AGBL4: variants seen among roughly 807,000 people sequenced by gnomAD.
The protein encoded by AGBL4 is cytosolic carboxypeptidase 6.
A neutral mutation model predicts 66.4 loss-of-function variants in AGBL4; 58 were observed. The ratio of observed to expected loss-of-function variants is 0.87; its 90% confidence interval spans 0.71 to 1.09. The LOEUF (loss-of-function observed/expected upper bound fraction) is 1.09, where lower values mean the gene tolerates loss of function less well. Among genes scored for constraint, AGBL4 ranks in the 50% least tolerant of loss-of-function variants. The pLI is 0.00. For missense variants in AGBL4, 579 were observed against 631.0 expected (o/e 0.92, Z 0.88); for synonymous variants, 234 against 222.9 (o/e 1.05, Z -0.44).
intron 1 of AGBL4, among the ~76,000 whole-genome samples, chr1:49,983,128 G>A (rs971507769): frequency 1.3e-5 from 2 of 152,226 alleles, no homozygotes; most frequent in African/African-American, 4.8e-5. Context: ...AGGGCTGAAA[G>A]AGCTTAATAC....
intron 3 of AGBL4, among the ~76,000 whole-genome samples, chr1:49,473,843 G>A (rs930785239): frequency 1.3e-5 from 2 of 152,166 alleles, no homozygotes; most frequent in East Asian, 1.9e-4. Context: ...TCACTCTGCT[G>A]TATGTGGTTA....
rs142403633 is a variant in AGBL4, at chr1:48,742,825, A to T, written c.635-79584T>A. The T allele has an allele frequency of 2.3e-4, 334 of 1,429,540 alleles. 1 individual carries two copies. The African/African-American group carries it at 4.3e-3, about 18-fold the overall frequency. The allele number at this position is 1,429,540 out of a possible 1,614,324, so 88.6% of individuals were successfully genotyped here. ...AGAACTCCAAGGAAAATAAAAGGCAAATATTTTTAACTAGGCATCTATCAG... is the reference window on the plus strand; with the variant it reads ...AGAACTCCAAGGAAAATAAAAGGCATATATTTTTAACTAGGCATCTATCAG... On this transcript the variant is annotated intron_variant, in intron 6 of 13. Transcript: ENST00000371839.
chr1:49,913,918 C>T (rs1384962792), intron 1 of AGBL4, among the ~76,000 whole-genome samples: 1 of 152,148 alleles, frequency 6.6e-6, no homozygotes, highest in Non-Finnish European at 1.5e-5. Context: ...ATGGAGGGTG[C>T]CCCAGGCCCA....
At chr1:49,667,907 C>T (rs1266182712) in intron 3 of AGBL4, among the ~76,000 whole-genome samples, 1 of 152,086 alleles carries the variant, frequency 6.6e-6, no homozygotes, top group Non-Finnish European at 1.5e-5. Flanking sequence ...CTCTATGTGG[C>T]CTTGAGTAAA....
intron 9 of AGBL4, among the ~76,000 whole-genome samples, chr1:48,601,494 G>A (rs1645072391): frequency 6.6e-6 from 1 of 152,200 alleles, no homozygotes; most frequent in Non-Finnish European, 1.5e-5. Context: ...TGTGCAATGA[G>A]GAATGTGAAG....
At chr1:49,945,823 G>C (rs1017926891) in intron 1 of AGBL4, among the ~76,000 whole-genome samples, 2 of 151,756 alleles carry the variant, frequency 1.3e-5, no homozygotes, top group Admixed American at 6.6e-5. Context: ...AGAGACTCAA[G>C]TAAGGACTCA....
chr1:48,876,420 C>T (rs1362589500), intron 5 of AGBL4, among the ~76,000 whole-genome samples: 2 of 152,112 alleles, frequency 1.3e-5, no homozygotes, highest in Admixed American at 6.5e-5. Flanking sequence ...CAAGAGGCAG[C>T]GAGAGGAAGG....
intron 3 of AGBL4, among the ~76,000 whole-genome samples, chr1:49,675,664 G>A (rs1646564459): frequency 6.6e-6 from 1 of 152,046 alleles, no homozygotes; most frequent in Admixed American, 6.6e-5. Flanking sequence ...AGCCATCTTA[G>A]TTGCCTTGTC....
chr1:48,733,006 G>A (rs1648398727), intron 6 of AGBL4, among the ~76,000 whole-genome samples: 1 of 152,180 alleles, frequency 6.6e-6, no homozygotes, highest in African/African-American at 2.4e-5. Context: ...TAGAGACGAG[G>A]AAGTCACTGG....
rs148111882 is a variant in AGBL4 at position 49,574,760 on chromosome 1, G to C, written c.282+122553C>G. On this transcript the variant is annotated intron_variant, in intron 3 of 13. Transcript: ENST00000371839. ...GTGGGCATAGCTACCGTCATGGACAGCAGAGGCAAAGTGGCAAACAGAATA... is the reference window on the plus strand; with the variant it reads ...GTGGGCATAGCTACCGTCATGGACACCAGAGGCAAAGTGGCAAACAGAATA... Among the ~76,000 whole-genome samples the C allele has an allele frequency of 5.5e-4, 83 of 152,174 alleles. 1 individual carries two copies. The Middle Eastern group carries it at 0.014, about 25-fold the overall frequency.
At chr1:48,611,853 A>AT (rs1358262886) in intron 9 of AGBL4, among the ~76,000 whole-genome samples, 1 of 152,236 alleles carries the variant, frequency 6.6e-6, no homozygotes, top group Non-Finnish European at 1.5e-5. Context: ...AGAAAATAAG[A>AT]TTTTTAAAGC....
chr1:49,387,460 C>G (rs529835572), intron 3 of AGBL4, among the ~76,000 whole-genome samples: 1 of 151,436 alleles, frequency 6.6e-6, no homozygotes, highest in Non-Finnish European at 1.5e-5. Flanking sequence ...AAAAACAGAC[C>G]GGGAAATGAA....
chr1:49,738,482 G>C (rs1315592562), intron 2 of AGBL4, among the ~76,000 whole-genome samples: 2 of 152,336 alleles, frequency 1.3e-5, no homozygotes, highest in East Asian at 1.9e-4. Flanking sequence ...TCTGGGGGCA[G>C]GGCATAGCCA....
intron 4 of AGBL4, among the ~76,000 whole-genome samples, chr1:49,096,459 A>G (rs1327501618): frequency 1.3e-5 from 2 of 151,876 alleles, no homozygotes; most frequent in Non-Finnish European, 2.9e-5. Context: ...ACAATGATAG[A>G]CTGGATTAAG....
chr1:49,027,963 T>G (rs896134029), intron 5 of AGBL4, among the ~76,000 whole-genome samples: 4 of 152,074 alleles, frequency 2.6e-5, no homozygotes, highest in African/African-American at 4.8e-5. Context: ...TGCCCCCAGT[T>G]CTAGGGCAGT....
intron 3 of AGBL4, among the ~76,000 whole-genome samples, chr1:49,562,386 G>T (rs1349785018): frequency 6.6e-6 from 1 of 152,120 alleles, no homozygotes; most frequent in Non-Finnish European, 1.5e-5. Flanking sequence ...CCTTGCCCAT[G>T]CCTATGTCCT....
At chr1:49,782,658 T>A (rs1644364572) in intron 2 of AGBL4, among the ~76,000 whole-genome samples, 1 of 152,334 alleles carries the variant, frequency 6.6e-6, no homozygotes, top group Non-Finnish European at 1.5e-5. Flanking sequence ...AAGTGGGGTC[T>A]AATGAGAGGT....
rs372242782 is a variant in AGBL4 at position 49,948,129 on chromosome 1, T to A, written c.34+75634A>T. The stretch of plus-strand genomic sequence containing the variant: ...ATATGTAAATGTATGTAAATATATA[T>A]AAATATATGTAAATATATATAAATA... On this transcript the variant is annotated intron_variant, in intron 1 of 13. Coordinates refer to ENST00000371839, the MANE Select transcript of AGBL4 (RefSeq NM_032785.4). 8.0e-5 allele frequency among the ~76,000 whole-genome samples: 8 copies of A among 99,456 alleles called. No individual in the cohort carries two copies. In the East Asian group the frequency reaches 1.7e-3, roughly 22 times the overall value. The allele number at this position is 99,456 out of a possible 152,430, so 65.2% of individuals were successfully genotyped here. A position where few individuals can be genotyped will look rare whatever the true frequency, so the allele number is the denominator to read the frequency against.
intron 2 of AGBL4, among the ~76,000 whole-genome samples, chr1:49,838,744 A>C (rs1645914998): frequency 6.6e-6 from 1 of 152,230 alleles, no homozygotes; most frequent in South Asian, 2.1e-4. Flanking sequence ...ATTTTAACTG[A>C]AAATTATCAT....
Sources: gnomAD v4.1 joint callset for allele counts (sites outside exome capture counted in the v4.1 genomes callset) on GRCh38, gnomAD v4.1.1 for gene constraint, MANE v1.5 for transcripts, NCBI Gene and HGNC (gene_info 2026-07-23, HGNC 2026-07-21) for gene names.